The following CEP128 variants were observed in gnomAD, a reference collection of about 807,000 sequenced individuals.
CEP128 encodes the protein centrosomal protein 128.
CEP128 carries 132 observed loss-of-function variants against 156.7 expected under a neutral mutation model. The observed-to-expected ratio is 0.84, with a 90% CI of 0.73 to 0.97. CEP128 has a LOEUF of 0.97. Among genes scored for constraint, CEP128 ranks in the 50% least tolerant of loss-of-function variants. The pLI is 0.00. For missense variants in CEP128, 1,252 were observed against 1,281.9 expected (o/e 0.98, Z 0.36); for synonymous variants, 469 against 448.9 (o/e 1.04, Z -0.57).
intron 18 of CEP128, among the ~76,000 whole-genome samples, chr14:80,744,315 AATGT>A (rs912665559): frequency 1.1e-4 from 16 of 152,120 alleles, no homozygotes; most frequent in African/African-American, 3.9e-4. Context: ...TTATATATGA[AATGT>A]ACTGTCTGTA....
At chr14:80,576,666 T>C (rs1891374746) in intron 20 of CEP128, among the ~76,000 whole-genome samples, 2 of 151,982 alleles carry the variant, frequency 1.3e-5, no homozygotes, top group Admixed American at 6.6e-5. Flanking sequence ...TGTGTCTGTG[T>C]CTGTGTCTAT....
At chr14:80,682,438 T>A (rs972480787) in intron 19 of CEP128, among the ~76,000 whole-genome samples, 2 of 152,146 alleles carry the variant, frequency 1.3e-5, no homozygotes, top group African/African-American at 2.4e-5. Flanking sequence ...TTGAGAAATA[T>A]GGAATTATGT....
At chr14:80,590,267 C>T (rs138198459) in intron 19 of CEP128, among the ~76,000 whole-genome samples, 93 of 151,896 alleles carry the variant, frequency 6.1e-4, no homozygotes, top group Non-Finnish European at 1.2e-3. Context: ...TATGTGAACC[C>T]GAAAGAAGAT....
intron 19 of CEP128, among the ~76,000 whole-genome samples, chr14:80,649,516 A>C (rs1193848977): frequency 1.3e-5 from 2 of 152,154 alleles, no homozygotes; most frequent in Non-Finnish European, 2.9e-5. Context: ...AGCATTAAGA[A>C]ACATGATGCC....
chr14:80,941,154 C>T (rs1353526777), intron 1 of CEP128, among the ~76,000 whole-genome samples: 1 of 152,032 alleles, frequency 6.6e-6, no homozygotes, highest in African/African-American at 2.4e-5. Flanking sequence ...GAGAGTAGCA[C>T]GCTTTCTGTG....
chr14:80,542,741 C>G (rs977340279), intron 21 of CEP128, among the ~76,000 whole-genome samples: 2 of 152,138 alleles, frequency 1.3e-5, no homozygotes, highest in African/African-American at 4.8e-5. Context: ...GCCCTGGCCC[C>G]AAGTCCTCAA....
chr14:80,716,079 T>C (rs1022167639), intron 19 of CEP128, among the ~76,000 whole-genome samples: 2 of 152,206 alleles, frequency 1.3e-5, no homozygotes, highest in Admixed American at 6.5e-5. Flanking sequence ...GGGCAAATGA[T>C]GATTTTAAAC....
intron 9 of CEP128, among the ~76,000 whole-genome samples, chr14:80,852,575 T>C (rs752659201): frequency 6.6e-6 from 1 of 151,670 alleles, no homozygotes. Context: ...AGAAAACTAA[T>C]AAAATAATAC....
intron 19 of CEP128, among the ~76,000 whole-genome samples, chr14:80,691,745 C>T (rs1896726801): frequency 2.6e-5 from 4 of 151,972 alleles, no homozygotes; most frequent in African/African-American, 9.7e-5. Flanking sequence ...AACAATTCAA[C>T]CTAAGTTACA....
At chr14:80,670,075 AACTC>A (rs2140925250) in intron 19 of CEP128, among the ~76,000 whole-genome samples, 1 of 152,220 alleles carries the variant, frequency 6.6e-6, no homozygotes, top group South Asian at 2.1e-4. Context: ...ATCTGGTAAG[AACTC>A]ACTGACTATC....
At chr14:80,630,036 T>C (rs1400206759) in intron 19 of CEP128, among the ~76,000 whole-genome samples, 1 of 151,998 alleles carries the variant, frequency 6.6e-6, no homozygotes, top group African/African-American at 2.4e-5. Context: ...TTTTAATTTT[T>C]CTTTTTCCCT....
chr14:80,794,122 T>C (rs1901862755), intron 13 of CEP128, among the ~76,000 whole-genome samples: 1 of 151,968 alleles, frequency 6.6e-6, no homozygotes, highest in African/African-American at 2.4e-5. Flanking sequence ...GTTCCAGGGG[T>C]TGGAATGAGG....
At chr14:80,528,315 G>A (rs534524339) in intron 22 of CEP128, among the ~76,000 whole-genome samples, 1 of 152,318 alleles carries the variant, frequency 6.6e-6, no homozygotes, top group South Asian at 2.1e-4. Context: ...TTGAGACGGA[G>A]TCTCACTCTG....
At chr14:80,683,177 G>A (rs1166675988) in intron 19 of CEP128, among the ~76,000 whole-genome samples, 1 of 152,062 alleles carries the variant, frequency 6.6e-6, no homozygotes, top group Non-Finnish European at 1.5e-5. Flanking sequence ...AAAGGCACAG[G>A]GTGGCAAGCT....
At chr14:80,656,323 A>ATATTT (rs1555387593) in intron 19 of CEP128, among the ~76,000 whole-genome samples, 1 of 33,506 alleles carries the variant, frequency 3.0e-5, no homozygotes, top group African/African-American at 1.3e-4. Flanking sequence ...ATATATATAT[A>ATATTT]TATATATATA....
intron 22 of CEP128, 21 bp from the exon 23 acceptor site, chr14:80,527,003 AGGGTCTG>A: frequency 1.6e-6 from 2 of 1,241,892 alleles, no homozygotes; most frequent in Non-Finnish European, 2.3e-6. Context: ...AAAAAAGCAA[AGGGTCTG>A]AACTGGTAGA....
chr14:80,617,398 T>G (rs1893268008), intron 19 of CEP128, among the ~76,000 whole-genome samples: 2 of 151,736 alleles, frequency 1.3e-5, no homozygotes, highest in Non-Finnish European at 2.9e-5. Flanking sequence ...GCCTGGCTAA[T>G]TTTTCTTTTT....
intron 19 of CEP128, among the ~76,000 whole-genome samples, chr14:80,732,664 C>G (rs1257276839): frequency 1.3e-5 from 2 of 152,164 alleles, no homozygotes; most frequent in African/African-American, 4.8e-5. Flanking sequence ...TAAGATGTCA[C>G]TCTTACCAAA....
intron 13 of CEP128, among the ~76,000 whole-genome samples, chr14:80,816,626 G>A (rs1055221729): frequency 1.3e-5 from 2 of 152,188 alleles, no homozygotes; most frequent in Admixed American, 6.5e-5. Context: ...AGATCGTGCT[G>A]AGAGGGAGAG....
Sources: gnomAD v4.1 joint callset for allele counts (sites outside exome capture counted in the v4.1 genomes callset) on GRCh38, gnomAD v4.1.1 for gene constraint, MANE v1.5 for transcripts, NCBI Gene and HGNC (gene_info 2026-07-23, HGNC 2026-07-21) for gene names.